The following FHIT variants were observed in gnomAD, a reference collection of about 807,000 sequenced individuals.
FHIT encodes the protein fragile histidine triad diadenosine triphosphatase.
A neutral mutation model predicts 17.9 loss-of-function variants in FHIT; 19 were observed. The ratio of observed to expected loss-of-function variants is 1.06; its 90% CI spans 0.74 to 1.56. The LOEUF (loss-of-function observed/expected upper bound fraction) is 1.56, where lower values mean the gene tolerates loss of function less well. Among genes scored for constraint, FHIT ranks in the 40% most tolerant of loss-of-function variants. FHIT has a pLI of 0.00. For missense variants in FHIT, 248 were observed against 189.2 expected, an observed-to-expected ratio of 1.31 and a Z score of -1.82; for synonymous variants, 81 against 69.7, an observed-to-expected ratio of 1.16 and a Z score of -0.81.
At chr3:61,203,876 T>C (rs1460818726) in intron 1 of FHIT, among the ~76,000 whole-genome samples, 1 of 152,226 alleles carries the variant, frequency 6.6e-6, no homozygotes, top group African/African-American at 2.4e-5. Flanking sequence ...ACACATGTAC[T>C]CACAGAGATT....
chr3:60,528,391 G>C (rs562867969), intron 5 of FHIT, among the ~76,000 whole-genome samples: 1 of 151,860 alleles, frequency 6.6e-6, no homozygotes, highest in Non-Finnish European at 1.5e-5. Flanking sequence ...CACTGCCACA[G>C]TTACCCCAAA....
chr3:60,411,430 G>A lies in FHIT; in HGVS notation c.103+125430C>T, dbSNP rs1702056630. On this transcript the variant is annotated intron_variant, in intron 5 of 9. Transcript: ENST00000492590. ...CTAGAAGGGCAGTAACCCTACATTA[G>A]GGGAGAACAGACTCCCAGGGAAAAA... 2.6e-5 allele frequency among the ~76,000 whole-genome samples: 4 copies of A among 152,252 alleles called. No homozygotes were observed. The South Asian group carries it at 8.3e-4, about 32-fold the overall frequency.
intron 8 of FHIT, among the ~76,000 whole-genome samples, chr3:59,859,592 G>C (rs1702322451): frequency 6.6e-6 from 1 of 152,118 alleles, no homozygotes; most frequent in African/African-American, 2.4e-5. Flanking sequence ...GGAGGTGTGT[G>C]CCTGTAATCC....
intron 5 of FHIT, among the ~76,000 whole-genome samples, chr3:60,258,247 G>T (rs948630903): frequency 3.4e-4 from 52 of 152,170 alleles, no homozygotes; most frequent in African/African-American, 1.0e-3. Flanking sequence ...AACACTCTGT[G>T]ACAACGTTCA....
At chr3:60,539,956 T>A (rs1053276580) in intron 4 of FHIT, among the ~76,000 whole-genome samples, 11 of 149,172 alleles carry the variant, frequency 7.4e-5, no homozygotes, top group Admixed American at 5.4e-4. Context: ...TATATATATA[T>A]AAATAAAATA....
chr3:60,510,266 C>T (rs1413542931), intron 5 of FHIT, among the ~76,000 whole-genome samples: 1 of 152,208 alleles, frequency 6.6e-6, no homozygotes, highest in African/African-American at 2.4e-5. Context: ...TGATGGGTAA[C>T]AGCTGCACTT....
At chr3:60,628,450 C>A (rs2039352072) in intron 4 of FHIT, among the ~76,000 whole-genome samples, 1 of 152,196 alleles carries the variant, frequency 6.6e-6, no homozygotes, top group African/African-American at 2.4e-5. Context: ...TTGTCTGCCT[C>A]AATTGGCCTC....
chr3:61,068,172 T>G (rs1374565366), intron 2 of FHIT, among the ~76,000 whole-genome samples: 1 of 152,204 alleles, frequency 6.6e-6, no homozygotes, highest in East Asian at 1.9e-4. Context: ...AAATTCATTA[T>G]CTTACTATTC....
intron 5 of FHIT, among the ~76,000 whole-genome samples, chr3:60,530,310 T>G (rs118180367): frequency 6.6e-6 from 1 of 152,136 alleles, no homozygotes; most frequent in African/African-American, 2.4e-5. Flanking sequence ...GAGACCAACA[T>G]GTACATGCCT....
At chr3:60,651,527 T>C (rs2039989922) in intron 4 of FHIT, among the ~76,000 whole-genome samples, 1 of 149,444 alleles carries the variant, frequency 6.7e-6, no homozygotes, top group African/African-American at 2.5e-5. Flanking sequence ...GGAAAGCATT[T>C]TGATAGATCC....
chr3:60,173,915 A>ATATATATATATATTTTTTTTTTTTT, intron 5 of FHIT, among the ~76,000 whole-genome samples: 3 of 66,444 alleles, frequency 4.5e-5, no homozygotes, highest in Non-Finnish European at 8.3e-5. Flanking sequence ...ATATATATAT[A>ATATATATATATATTTTTTTTTTTTT]TGTTTTTTTT....
At chr3:59,775,531 C>G (rs555697965) in intron 8 of FHIT, among the ~76,000 whole-genome samples, 1 of 149,744 alleles carries the variant, frequency 6.7e-6, no homozygotes, top group South Asian at 2.1e-4. Flanking sequence ...TAAATGAATG[C>G]AAATCATCTC....
chr3:61,093,703 C>T (rs534061512), intron 2 of FHIT, among the ~76,000 whole-genome samples: 11 of 152,172 alleles, frequency 7.2e-5, no homozygotes, highest in African/African-American at 1.4e-4. Context: ...ATTTGAACAA[C>T]GGGCATAATA....
intron 2 of FHIT, among the ~76,000 whole-genome samples, chr3:61,105,511 T>C (rs1259775025): frequency 6.6e-6 from 1 of 152,118 alleles, no homozygotes; most frequent in Non-Finnish European, 1.5e-5. Flanking sequence ...CAAATTCTGT[T>C]TGATATGTGA....
At chr3:60,940,352 AAAG>A (rs1392693129) in intron 3 of FHIT, among the ~76,000 whole-genome samples, 1 of 149,534 alleles carries the variant, frequency 6.7e-6, no homozygotes, top group Non-Finnish European at 1.5e-5. Context: ...AACAAAATCT[AAAG>A]AAGACAATTA....
chr3:59,972,234 T>C (rs1277004884), intron 7 of FHIT, among the ~76,000 whole-genome samples: 2 of 152,080 alleles, frequency 1.3e-5, no homozygotes, highest in African/African-American at 4.8e-5. Flanking sequence ...TCAGACTAAC[T>C]TGATGGAATA....
intron 4 of FHIT, among the ~76,000 whole-genome samples, chr3:60,771,305 C>T (rs879998143): frequency 1.3e-5 from 2 of 152,224 alleles, no homozygotes; most frequent in African/African-American, 2.4e-5. Context: ...CTCTCTATCC[C>T]ACTGTTCAAC....
chr3:60,131,000 T>C (rs983882760), intron 5 of FHIT, among the ~76,000 whole-genome samples: 5 of 95,272 alleles, frequency 5.2e-5, no homozygotes, highest in African/African-American at 1.7e-4. Flanking sequence ...TACACATATA[T>C]ACATATGTGT....
intron 4 of FHIT, among the ~76,000 whole-genome samples, chr3:60,710,793 T>C (rs530856326): frequency 1.2e-4 from 18 of 152,280 alleles, no homozygotes; most frequent in African/African-American, 4.3e-4. Context: ...GTGGAGCCCA[T>C]CACAGATCAA....
Sources: allele counts gnomAD v4.1 joint callset (sites outside exome capture counted in the v4.1 genomes callset), GRCh38; gene constraint gnomAD v4.1.1; transcripts MANE v1.5; gene names NCBI Gene and HGNC (gene_info 2026-07-23, HGNC 2026-07-21).